The following ENOX2 variants were observed in gnomAD, a reference collection of about 807,000 sequenced individuals.
ENOX2 encodes ecto-NOX disulfide-thiol exchanger 2, also known as APK1 antigen.
A neutral mutation model predicts 45.0 loss-of-function variants in ENOX2; 36 were observed. The ratio of observed to expected loss-of-function variants is 0.80; its 90% confidence interval spans 0.61 to 1.06. ENOX2 has a LOEUF of 1.06. Ranked by LOEUF, ENOX2 falls within the 50% of genes least tolerant of loss-of-function variation. The pLI is 0.00. For synonymous variants in ENOX2, 174 were observed against 152.3 expected (o/e 1.14, Z -1.05); for missense variants, 423 against 462.5 (o/e 0.91, Z 0.78).
At chrX:130,768,203 G>A (rs1431617560) in intron 3 of ENOX2, among the ~76,000 whole-genome samples, 1 of 111,590 alleles carries the variant, frequency 9.0e-6, no homozygotes, top group Non-Finnish European at 1.9e-5. Context: ...ACAGGATAGG[G>A]AGTCTGAAGA....
At chrX:130,680,622 C>G (rs1034036819) in intron 5 of ENOX2, among the ~76,000 whole-genome samples, 6 of 112,317 alleles carry the variant, frequency 5.3e-5, no homozygotes, top group Admixed American at 2.8e-4. Context: ...AAGCAAACTC[C>G]TACAGTTTGT....
intron 3 of ENOX2, among the ~76,000 whole-genome samples, chrX:130,762,565 G>C (rs755346607): frequency 8.9e-6 from 1 of 112,222 alleles, no homozygotes; most frequent in African/African-American, 3.2e-5. Context: ...CTGGGTGAGA[G>C]AGCAAGATGC....
At chrX:130,875,265 C>CT (rs545175702) in intron 2 of ENOX2, among the ~76,000 whole-genome samples, 1,009 of 95,790 alleles carry the variant, frequency 0.011, 11 homozygotes, top group East Asian at 0.028. Flanking sequence ...TCTAAGCTGG[C>CT]TTTTTTTTTT....
In ENOX2 at chrX:130,738,740, T is replaced by C. The variant is rs17250240; in HGVS notation, c.-38-35486A>G. 6.9e-3 allele frequency among the ~76,000 whole-genome samples: 773 copies of C among 112,209 alleles called. 2 individuals are homozygous for C. Among genetic ancestry groups the C allele is most frequent in the Non-Finnish European group, 0.012 (627 of 53,203 alleles). On this transcript the variant is annotated intron_variant, in intron 3 of 14. Transcript: ENST00000394363. ...TTGAAGAGGGGAAAAGAACAGGATG[T>C]TTCTGCTGAAATAGCTCATGTCAGG...
At chrX:130,780,748 A>C (rs1205312133) in intron 3 of ENOX2, among the ~76,000 whole-genome samples, 1 of 111,398 alleles carries the variant, frequency 9.0e-6, no homozygotes, top group Non-Finnish European at 1.9e-5. Context: ...AAAATGGAAG[A>C]GGTAGGAGGG....
At chrX:130,692,024 C>T (rs1352367990) in intron 4 of ENOX2, among the ~76,000 whole-genome samples, 1 of 113,377 alleles carries the variant, frequency 8.8e-6, no homozygotes, top group East Asian at 2.7e-4. Context: ...TAAACTCCCC[C>T]TCTTCCTTTT....
chrX:130,819,201 C>A (rs138888953), intron 2 of ENOX2, among the ~76,000 whole-genome samples: 4 of 111,650 alleles, frequency 3.6e-5, no homozygotes, highest in Non-Finnish European at 7.5e-5. Flanking sequence ...GTTAGAATGG[C>A]GATCATTAAA....
chrX:130,787,232 A>G (rs1048853784), intron 2 of ENOX2, among the ~76,000 whole-genome samples: 1 of 112,182 alleles, frequency 8.9e-6, no homozygotes, highest in African/African-American at 3.2e-5. Context: ...ACAGAATAAC[A>G]TATTAGTCCA....
At chrX:130,713,036 A>G (rs1350629339) in intron 3 of ENOX2, among the ~76,000 whole-genome samples, 1 of 112,524 alleles carries the variant, frequency 8.9e-6, no homozygotes, top group Non-Finnish European at 1.9e-5. Flanking sequence ...GACAAGGAGT[A>G]TGAAACACAA....
chrX:130,744,483 T>C (rs2039055721), intron 3 of ENOX2, among the ~76,000 whole-genome samples: 1 of 111,965 alleles, frequency 8.9e-6, no homozygotes, highest in Non-Finnish European at 1.9e-5. Flanking sequence ...TTTAGATATG[T>C]GGAAGTTTTG....
intron 14 of ENOX2, among the ~76,000 whole-genome samples, chrX:130,627,308 C>T (rs745475563): frequency 8.0e-5 from 9 of 112,017 alleles, no homozygotes; most frequent in African/African-American, 9.7e-5. Context: ...GGGCCGGGTA[C>T]GGTGGCTCAT....
intron 4 of ENOX2, among the ~76,000 whole-genome samples, chrX:130,692,186 A>G (rs942256138): frequency 8.8e-6 from 1 of 113,289 alleles, no homozygotes; most frequent in African/African-American, 3.2e-5. Context: ...TGGATTTCCA[A>G]TGTCAACCAA....
chrX:130,853,837 T>A (rs1017327172), intron 2 of ENOX2, among the ~76,000 whole-genome samples: 2 of 110,930 alleles, frequency 1.8e-5, no homozygotes, highest in Non-Finnish European at 3.8e-5. Context: ...GTAATGAAGT[T>A]CCCCCACCCC....
intron 2 of ENOX2, among the ~76,000 whole-genome samples, chrX:130,844,115 G>A (rs919560468): frequency 8.9e-6 from 1 of 112,346 alleles, no homozygotes; most frequent in Non-Finnish European, 1.9e-5. Context: ...ACTCCAGAGA[G>A]GTCAGCTGCC....
intron 3 of ENOX2, among the ~76,000 whole-genome samples, chrX:130,760,402 T>C (rs992580875): frequency 9.0e-6 from 1 of 111,439 alleles, no homozygotes; most frequent in African/African-American, 3.3e-5. Context: ...TAAGAGTGTA[T>C]ATCCTTGCCT....
intron 2 of ENOX2, among the ~76,000 whole-genome samples, chrX:130,819,910 G>A (rs1220699423): frequency 2.7e-5 from 3 of 111,483 alleles, no homozygotes; most frequent in Admixed American, 9.5e-5. Flanking sequence ...ACATTGGTCT[G>A]GGCAATGATT....
At chrX:130,724,979 AC>A (rs1249928304) in intron 3 of ENOX2, among the ~76,000 whole-genome samples, 1 of 111,390 alleles carries the variant, frequency 9.0e-6, no homozygotes, top group Non-Finnish European at 1.9e-5. Flanking sequence ...CCTACTTTTC[AC>A]CAGAACAGGC....
intron 7 of ENOX2, among the ~76,000 whole-genome samples, chrX:130,668,794 T>C (rs2036905138): frequency 8.9e-6 from 1 of 112,291 alleles, no homozygotes; most frequent in Non-Finnish European, 1.9e-5. Context: ...CTTTATTACT[T>C]AGATATAGAC....
rs188143329 is a variant in ENOX2 at position 130,806,820 on chromosome X, T to A, written c.-182-23130A>T. Among the ~76,000 whole-genome samples, 184 of 112,268 alleles carry A rather than the reference T, an allele frequency of 1.6e-3. 2 individuals are homozygous for A. Among genetic ancestry groups the A allele is most frequent in the Non-Finnish European group, 3.0e-4 (16 of 53,293 alleles). On this transcript the variant is annotated intron_variant, in intron 2 of 14. Transcript: ENST00000394363. ...TTCATATCATTTCATGTTTAATTTT[T>A]ATAACTCTGGGGGTTAAAGTAGGTA...
Sources: gnomAD v4.1 joint callset for allele counts (sites outside exome capture counted in the v4.1 genomes callset) on GRCh38, gnomAD v4.1.1 for gene constraint, MANE v1.5 for transcripts, NCBI Gene and HGNC (gene_info 2026-07-23, HGNC 2026-07-21) for gene names.